KCNK10: variants seen among roughly 807,000 people sequenced by gnomAD.
The protein encoded by KCNK10 is potassium two pore domain channel subfamily K member 10, also known as potassium channel subfamily K member 10.
KCNK10 carries 25 observed loss-of-function variants against 47.7 expected under a neutral mutation model. That is an observed-to-expected ratio of 0.52 (90% CI 0.38 to 0.73). The LOEUF is 0.73. Among genes scored for constraint, KCNK10 ranks in the 30% least tolerant of loss-of-function variants. The pLI, the probability that KCNK10 is intolerant of heterozygous loss-of-function variation, is 0.00. For missense variants in KCNK10, 563 were observed against 714.5 expected (o/e 0.79, Z 2.42); for synonymous variants, 303 against 285.6 (o/e 1.06, Z -0.61).
intron 1 of KCNK10, among the ~76,000 whole-genome samples, chr14:88,314,324 C>G (rs1185391699): frequency 6.6e-6 from 1 of 152,156 alleles, no homozygotes; most frequent in Non-Finnish European, 1.5e-5. Flanking sequence ...CAAGAAGGCA[C>G]CATCTATGAG....
chr14:88,265,717 C>T (rs188476617), intron 1 of KCNK10, among the ~76,000 whole-genome samples: 9 of 152,232 alleles, frequency 5.9e-5, no homozygotes, highest in East Asian at 1.9e-4. Context: ...GGAGTGACCC[C>T]GTGGGAGGTA....
chr14:88,278,206 C>A (rs989600231), intron 1 of KCNK10, among the ~76,000 whole-genome samples: 1 of 152,224 alleles, frequency 6.6e-6, no homozygotes, highest in East Asian at 1.9e-4. Context: ...CAAACAGACC[C>A]TTACATGGAT....
At chr14:88,212,601 G>T (rs560356365) in intron 4 of KCNK10, among the ~76,000 whole-genome samples, 16 of 152,252 alleles carry the variant, frequency 1.1e-4, no homozygotes, top group African/African-American at 3.6e-4. Flanking sequence ...CACTGGCAAT[G>T]CTTGAAACAC....
At chr14:88,228,633 G>A (rs561153963) in intron 3 of KCNK10, among the ~76,000 whole-genome samples, 2 of 152,260 alleles carry the variant, frequency 1.3e-5, no homozygotes, top group South Asian at 4.1e-4. Flanking sequence ...GACAGGTTGG[G>A]AATGCAACAT....
At chr14:88,252,958 C>T (rs8019344) in intron 2 of KCNK10, among the ~76,000 whole-genome samples, 1 of 152,156 alleles carries the variant, frequency 6.6e-6, no homozygotes, top group Non-Finnish European at 1.5e-5. Context: ...TATGTACTCT[C>T]TAAGCCCACC....
chr14:88,325,717 A>G (rs996285647), upstream of KCNK10, among the ~76,000 whole-genome samples: 3 of 152,164 alleles, frequency 2.0e-5, no homozygotes, highest in Non-Finnish European at 2.9e-5. Flanking sequence ...GAACTGACCT[A>G]TGGTTGTGTT....
intron 1 of KCNK10, among the ~76,000 whole-genome samples, chr14:88,314,745 C>A (rs1888393673): frequency 6.6e-6 from 1 of 152,202 alleles, no homozygotes; most frequent in South Asian, 2.1e-4. Flanking sequence ...CCTCCTGCAA[C>A]TGTGAGAACA....
At chr14:88,203,571 T>C (rs994677716) in intron 4 of KCNK10, among the ~76,000 whole-genome samples, 1 of 152,200 alleles carries the variant, frequency 6.6e-6, no homozygotes, top group Non-Finnish European at 1.5e-5. Flanking sequence ...CTCTCTGACA[T>C]TCCTAAATCT....
Position 88,182,888 on chromosome 14 carries a change from A to G in KCNK10, c.*2647T>C, listed in dbSNP as rs1566674783. On this transcript the variant is annotated 3_prime_UTR_variant, in exon 7 of 7. Transcript: ENST00000319231. ...AAGGGCATTTTTTAAAGGGTGCCAC[A>G]TACAAAATTTCCAAAACCAAATAAA... 1.3e-5 allele frequency: 2 copies of G among 152,380 alleles called. No individual in the cohort carries two copies. The highest frequency in any genetic ancestry group is 2.9e-5 in the Non-Finnish European group (2 of 68,040). 9.4% of individuals were successfully genotyped at this position (152,380 alleles called of 1,614,324 possible).
intron 4 of KCNK10, among the ~76,000 whole-genome samples, chr14:88,199,888 G>C (rs1410251034): frequency 6.6e-6 from 1 of 152,170 alleles, no homozygotes. Flanking sequence ...ATAGATTTAG[G>C]TCAACACCTA....
intron 3 of KCNK10, among the ~76,000 whole-genome samples, chr14:88,234,858 A>C (rs769811774): frequency 6.6e-6 from 1 of 152,230 alleles, no homozygotes; most frequent in Non-Finnish European, 1.5e-5. Context: ...TGTAAGAACT[A>C]CCAAAAGAAG....
At chr14:88,197,441 C>A (rs1044917643) in intron 4 of KCNK10, among the ~76,000 whole-genome samples, 2 of 151,712 alleles carry the variant, frequency 1.3e-5, no homozygotes, top group Non-Finnish European at 1.5e-5. Context: ...GGCATGGTGG[C>A]AGATGTCTGT....
intron 1 of KCNK10, among the ~76,000 whole-genome samples, chr14:88,283,844 G>A (rs1463919093): frequency 6.6e-6 from 1 of 152,074 alleles, no homozygotes; most frequent in Non-Finnish European, 1.5e-5. Context: ...AACCAGGGAG[G>A]CAGAGGTTGC....
chr14:88,312,862 T>C (rs530154922), intron 1 of KCNK10, among the ~76,000 whole-genome samples: 1 of 152,350 alleles, frequency 6.6e-6, no homozygotes, highest in East Asian at 1.9e-4. Flanking sequence ...CATATGTTCA[T>C]ATTATACATA....
chr14:88,267,156 G>T (rs1371937056), intron 1 of KCNK10, among the ~76,000 whole-genome samples: 1 of 152,088 alleles, frequency 6.6e-6, no homozygotes, highest in Non-Finnish European at 1.5e-5. Flanking sequence ...ACGTCCACAG[G>T]GTTCTCAGGA....
At chr14:88,215,501 T>C (rs1162978866) in intron 4 of KCNK10, among the ~76,000 whole-genome samples, 4 of 152,200 alleles carry the variant, frequency 2.6e-5, no homozygotes, top group Non-Finnish European at 5.9e-5. Context: ...TTATGGGAAC[T>C]ACAGTTCAGA....
chr14:88,210,815 T>C (rs1170047919), intron 4 of KCNK10, among the ~76,000 whole-genome samples: 1 of 134,198 alleles, frequency 7.5e-6, no homozygotes, highest in Non-Finnish European at 1.6e-5. Flanking sequence ...CATTTGGGCC[T>C]ATAAAAGTTA....
intron 2 of KCNK10, among the ~76,000 whole-genome samples, chr14:88,242,309 G>A (rs1157522841): frequency 2.0e-5 from 3 of 152,110 alleles, no homozygotes; most frequent in Non-Finnish European, 4.4e-5. Context: ...TCCATAAAGG[G>A]TCAGATAGTA....
At chr14:88,192,547 G>C in intron 4 of KCNK10, 137 bp from the exon 5 acceptor site, 1 of 685,020 alleles carries the variant, frequency 1.5e-6, no homozygotes, top group Non-Finnish European at 2.4e-6. Context: ...GAAATTTGAT[G>C]AACGCTGTGA....
Sources: allele counts gnomAD v4.1 joint callset (sites outside exome capture counted in the v4.1 genomes callset), GRCh38; gene constraint gnomAD v4.1.1; transcripts MANE v1.5; gene names NCBI Gene and HGNC (gene_info 2026-07-23, HGNC 2026-07-21).